The following MLLT3 variants were observed in gnomAD, a reference collection of about 807,000 sequenced individuals.
MLLT3 encodes MLLT3 super elongation complex subunit.
MLLT3 carries 4 observed loss-of-function variants against 53.2 expected under a neutral mutation model. The ratio of observed to expected loss-of-function variants is 0.08; its 90% confidence interval spans 0.04 to 0.17. The LOEUF (loss-of-function observed/expected upper bound fraction) is 0.17, where lower values mean the gene tolerates loss of function less well. Ranked by LOEUF, MLLT3 falls within the 10% of genes least tolerant of loss-of-function variation. The pLI is 1.00. For missense variants in MLLT3, 569 were observed against 684.0 expected, an observed-to-expected ratio of 0.83 and a Z score of 1.87; for synonymous variants, 283 against 230.6, an observed-to-expected ratio of 1.23 and a Z score of -2.06.
intron 2 of MLLT3, among the ~76,000 whole-genome samples, chr9:20,601,267 G>C (rs1360814543): frequency 1.3e-5 from 2 of 152,168 alleles, no homozygotes; most frequent in Non-Finnish European, 2.9e-5. Flanking sequence ...TATTCAAAAA[G>C]ATGTCTCTGG....
chr9:20,549,065 C>T (rs751759603), intron 2 of MLLT3, among the ~76,000 whole-genome samples: 1 of 152,056 alleles, frequency 6.6e-6, no homozygotes, highest in Non-Finnish European at 1.5e-5. Flanking sequence ...TCCACACACC[C>T]GGGCCTGCCA....
chr9:20,564,144 C>A (rs1819288899), intron 2 of MLLT3, among the ~76,000 whole-genome samples: 1 of 152,042 alleles, frequency 6.6e-6, no homozygotes, highest in African/African-American at 2.4e-5. Context: ...ATATATCATC[C>A]CTGAGTGCAT....
intron 5 of MLLT3, chr9:20,411,920 C>G (rs1013617273): frequency 6.6e-6 from 1 of 152,078 alleles, no homozygotes; most frequent in African/African-American, 2.4e-5. Context: ...TAAAAAGGTG[C>G]CTTTCAAAAT....
intron 2 of MLLT3, among the ~76,000 whole-genome samples, chr9:20,519,918 T>C (rs968570522): frequency 6.6e-6 from 1 of 152,188 alleles, no homozygotes; most frequent in Non-Finnish European, 1.5e-5. Flanking sequence ...TGCAGCACTA[T>C]TCACAGTAGC....
chr9:20,547,916 C>T (rs1039550125), intron 2 of MLLT3, among the ~76,000 whole-genome samples: 3 of 152,188 alleles, frequency 2.0e-5, no homozygotes, highest in African/African-American at 4.8e-5. Context: ...CACATGACTG[C>T]ACTCCCATCT....
intron 4 of MLLT3, among the ~76,000 whole-genome samples, chr9:20,446,785 A>C (rs1478913935): frequency 2.6e-5 from 4 of 152,190 alleles, no homozygotes; most frequent in Admixed American, 2.0e-4. Flanking sequence ...TTTCCAAACA[A>C]CTTCTTTAAT....
intron 5 of MLLT3, among the ~76,000 whole-genome samples, chr9:20,377,031 TTC>T (rs1405456590): frequency 6.6e-6 from 1 of 152,226 alleles, no homozygotes; most frequent in East Asian, 1.9e-4. Flanking sequence ...TAGCTGTGTT[TTC>T]TCTTTCTCTT....
chr9:20,366,634 G>C (rs531628383), intron 5 of MLLT3, among the ~76,000 whole-genome samples: 2 of 152,290 alleles, frequency 1.3e-5, no homozygotes, highest in South Asian at 4.1e-4. Flanking sequence ...CTTCCACAAT[G>C]GTTGAACTAA....
chr9:20,597,723 A>AT (rs1157261344), intron 2 of MLLT3, among the ~76,000 whole-genome samples: 1 of 152,176 alleles, frequency 6.6e-6, no homozygotes, highest in Non-Finnish European at 1.5e-5. Flanking sequence ...TGTGAAGCCT[A>AT]TTTCATGCTT....
intron 5 of MLLT3, among the ~76,000 whole-genome samples, chr9:20,390,574 G>A (rs1420369721): frequency 2.0e-5 from 3 of 152,168 alleles, no homozygotes; most frequent in African/African-American, 7.2e-5. Context: ...CCTGACCTTA[G>A]AGACTTTGGA....
At chr9:20,550,924 A>C (rs1345259085) in intron 2 of MLLT3, among the ~76,000 whole-genome samples, 2 of 151,936 alleles carry the variant, frequency 1.3e-5, no homozygotes, top group Non-Finnish European at 2.9e-5. Flanking sequence ...TGCCCAGCTA[A>C]ATTTTTTTCA....
chr9:20,606,512 C>T (rs1820575460), intron 2 of MLLT3, among the ~76,000 whole-genome samples: 1 of 152,104 alleles, frequency 6.6e-6, no homozygotes, highest in African/African-American at 2.4e-5. Context: ...GAACAGGCTA[C>T]AAAGTACTTT....
At chr9:20,423,976 C>T (rs1823080835) in intron 4 of MLLT3, among the ~76,000 whole-genome samples, 1 of 151,980 alleles carries the variant, frequency 6.6e-6, no homozygotes, top group Admixed American at 6.6e-5. Context: ...AAATAATGCA[C>T]AATTTTAAAA....
intron 2 of MLLT3, among the ~76,000 whole-genome samples, chr9:20,516,567 G>A (rs1817925932): frequency 6.6e-6 from 1 of 152,142 alleles, no homozygotes; most frequent in South Asian, 2.1e-4. Flanking sequence ...AAGTTTATTT[G>A]CAATGTTGAG....
intron 2 of MLLT3, among the ~76,000 whole-genome samples, chr9:20,575,021 G>A (rs1159775936): frequency 2.0e-5 from 3 of 152,180 alleles, no homozygotes; most frequent in African/African-American, 7.2e-5. Flanking sequence ...TCCATAAGAA[G>A]CAACTCCTCA....
chr9:20,560,603 C>T lies in MLLT3; in HGVS notation c.193+60051G>A, dbSNP rs576375689. On this transcript the variant is annotated intron_variant, in intron 2 of 10. Transcript: ENST00000380338. ...AAAAGAAGTAGATATAGGGTGTGCC[C>T]GAAAACCTAATAGTAGAAGAAGCTG... 1.7e-4 allele frequency among the ~76,000 whole-genome samples: 26 copies of T among 152,062 alleles called. No individual in the cohort carries two copies. The South Asian group carries it at 2.9e-3, about 17-fold the overall frequency.
intron 10 of MLLT3, among the ~76,000 whole-genome samples, chr9:20,352,335 G>A (rs375685349): frequency 2.2e-4 from 34 of 152,288 alleles, no homozygotes; most frequent in African/African-American, 7.2e-4. Flanking sequence ...GGGAAGAGAC[G>A]AGAAAGATCA....
intron 2 of MLLT3, among the ~76,000 whole-genome samples, chr9:20,555,158 C>T (rs1027470294): frequency 6.6e-6 from 1 of 152,110 alleles, no homozygotes; most frequent in African/African-American, 2.4e-5. Context: ...CTTCAGATAG[C>T]ACTCCTCCTG....
rs189543281 is a variant in MLLT3 at position 20,438,587 on chromosome 9, T to G, written c.420+9536A>C. Among the ~76,000 whole-genome samples the G allele has an allele frequency of 1.8e-4, 28 of 152,236 alleles. No homozygotes were observed. The East Asian group carries it at 4.4e-3, about 24-fold the overall frequency. ...AGGTTTGTCACTACACCAAGCTAAT[T>G]TTATTTTATTTTACTTTATTTTATT... On this transcript the variant is annotated intron_variant, in intron 4 of 10. Coordinates refer to ENST00000380338, the MANE Select transcript of MLLT3 (RefSeq NM_004529.4).
Sources: gnomAD v4.1 joint callset for allele counts (sites outside exome capture counted in the v4.1 genomes callset) on GRCh38, gnomAD v4.1.1 for gene constraint, MANE v1.5 for transcripts, NCBI Gene and HGNC (gene_info 2026-07-23, HGNC 2026-07-21) for gene names.